AK8: variants seen among roughly 807,000 people sequenced by gnomAD.
AK8 encodes the protein adenylate kinase 8.
Under a neutral mutation model 54.6 loss-of-function variants are expected in AK8, and 44 were observed. The observed-to-expected ratio is 0.81, with a 90% confidence interval of 0.63 to 1.04. The LOEUF (loss-of-function observed/expected upper bound fraction) is 1.04, where lower values mean the gene tolerates loss of function less well. AK8 is among the 50% of genes least tolerant of loss of function. The pLI is 0.00. For missense variants in AK8, 555 were observed against 613.6 expected (o/e 0.90, Z 1.01); for synonymous variants, 239 against 245.6 (o/e 0.97, Z 0.25).
chr9:132,806,814 T>C (rs1038354763), intron 10 of AK8, among the ~76,000 whole-genome samples: 2 of 152,184 alleles, frequency 1.3e-5, no homozygotes, highest in Non-Finnish European at 2.9e-5. Context: ...TGGGGGCTGG[T>C]TTGGCTTGTT....
At chr9:132,754,353 A>G (rs1264061783) in intron 11 of AK8, among the ~76,000 whole-genome samples, 5 of 152,214 alleles carry the variant, frequency 3.3e-5, no homozygotes, top group Admixed American at 3.3e-4. Flanking sequence ...CCAAATCAGC[A>G]TATTGCAGTG....
intron 11 of AK8, among the ~76,000 whole-genome samples, chr9:132,773,161 T>C (rs1245911518): frequency 6.6e-6 from 1 of 152,230 alleles, no homozygotes; most frequent in African/African-American, 2.4e-5. Context: ...AATGGCCTCC[T>C]TGATGTTGCT....
intron 11 of AK8, among the ~76,000 whole-genome samples, chr9:132,738,435 A>G (rs980105001): frequency 1.5e-4 from 23 of 152,174 alleles, no homozygotes; most frequent in African/African-American, 4.8e-4. Flanking sequence ...TTAATTTAAA[A>G]AAGTTTTAAA....
At chr9:132,775,686 T>C (rs1276460890) in intron 11 of AK8, among the ~76,000 whole-genome samples, 1 of 152,102 alleles carries the variant, frequency 6.6e-6, no homozygotes, top group Non-Finnish European at 1.5e-5. Flanking sequence ...CATGACCCCA[T>C]CTCTTCCTCA....
At chr9:132,764,245 C>G (rs59262005) in intron 11 of AK8, among the ~76,000 whole-genome samples, 6 of 152,050 alleles carry the variant, frequency 3.9e-5, no homozygotes, top group Non-Finnish European at 5.9e-5. Flanking sequence ...GGGAGGTAGA[C>G]GTTGCAGTGA....
At chr9:132,752,367 T>C (rs1385859118) in intron 11 of AK8, among the ~76,000 whole-genome samples, 1 of 151,490 alleles carries the variant, frequency 6.6e-6, no homozygotes, top group Non-Finnish European at 1.5e-5. Flanking sequence ...CTCCTGCCTC[T>C]GCCTCCCGAG....
chr9:132,835,426 G>C (rs893971156), intron 5 of AK8, among the ~76,000 whole-genome samples: 1 of 152,146 alleles, frequency 6.6e-6, no homozygotes, highest in Non-Finnish European at 1.5e-5. Context: ...TAACAGACAC[G>C]GATAACCCAG....
In AK8 at chr9:132,770,895, T is replaced by C. The variant is rs73659475; in HGVS notation, c.1121+21739A>G. Among the ~76,000 whole-genome samples the C allele has an allele frequency of 0.033, 4,986 of 152,226 alleles. 271 individuals carry two copies. Among genetic ancestry groups the C allele is most frequent in the African/African-American group, 0.11 (4,705 of 41,534 alleles). Reference sequence around the variant, plus strand: ...GTGTGGGCCTCCCCAGTCAGGGAGATGCTTCCCCCATCTCATCTCAGTGGG... The same window carrying C: ...GTGTGGGCCTCCCCAGTCAGGGAGACGCTTCCCCCATCTCATCTCAGTGGG... On this transcript the variant is annotated intron_variant, in intron 11 of 12. Transcript: ENST00000298545. The surrounding 1 kb of genome is among the most constrained non-coding windows in gnomAD (Gnocchi z 4.3).
upstream of AK8, chr9:132,878,805 G>A (rs768520833): frequency 5.1e-4 from 503 of 983,398 alleles, no homozygotes; most frequent in Non-Finnish European, 6.0e-4. The surrounding 1 kb of genome is among the most constrained non-coding windows in gnomAD (Gnocchi z 4.7). Context: ...CCCCGGCTCT[G>A]GCCAAGCCGC....
At chr9:132,827,285 C>A in intron 7 of AK8, 1 of 592,444 alleles carries the variant, frequency 1.7e-6, no homozygotes, top group Non-Finnish European at 3.0e-6. Flanking sequence ...GCAAGGGCTG[C>A]CGTGAACTTC....
chr9:132,762,582 A>C (rs925692739), intron 11 of AK8, among the ~76,000 whole-genome samples: 3 of 152,158 alleles, frequency 2.0e-5, no homozygotes, highest in Non-Finnish European at 4.4e-5. Flanking sequence ...GAGTTCATCA[A>C]AGGAGTAACA....
intron 11 of AK8, among the ~76,000 whole-genome samples, chr9:132,787,740 T>C (rs1858794): frequency 0.15 from 22,886 of 152,178 alleles, 1,840 homozygotes; most frequent in Admixed American, 0.21. Flanking sequence ...AAATGATTGT[T>C]GTGTACAGGC....
At chr9:132,765,852 A>G (rs1053111384) in intron 11 of AK8, among the ~76,000 whole-genome samples, 5 of 152,348 alleles carry the variant, frequency 3.3e-5, no homozygotes, top group Admixed American at 1.3e-4. Context: ...AATTAGACAC[A>G]AAAAAGAAAT....
At chr9:132,869,643 G>T (rs534488640) in intron 2 of AK8, among the ~76,000 whole-genome samples, 1 of 152,378 alleles carries the variant, frequency 6.6e-6, no homozygotes, top group East Asian at 1.9e-4. Context: ...CTGGGGCAAG[G>T]CCTCCCAGGG....
chr9:132,815,913 A>G (rs143522466), intron 9 of AK8, among the ~76,000 whole-genome samples: 55 of 152,386 alleles, frequency 3.6e-4, no homozygotes, highest in African/African-American at 1.3e-3. Flanking sequence ...ACTGGATAGC[A>G]TGAATGTTTA....
intron 11 of AK8, among the ~76,000 whole-genome samples, chr9:132,736,835 A>G (rs2130958894): frequency 6.6e-6 from 1 of 151,562 alleles, no homozygotes; most frequent in East Asian, 2.0e-4. Context: ...TAAAACCTGG[A>G]TGAACCTTGA....
rs372024560 is a variant in AK8 at position 132,856,779 on chromosome 9, T to C, written c.334-1854A>G. ...GCAGCCACTTCGTGGGCATGACGGG[T>C]GTGGAACGGAATGAAACCAGCACAA... On this transcript the variant is annotated intron_variant, in intron 4 of 12. Transcript: ENST00000298545. Among the ~76,000 whole-genome samples the C allele has an allele frequency of 2.3e-4, 35 of 152,076 alleles. No individual in the cohort carries two copies. The East Asian group carries it at 6.6e-3, about 29-fold the overall frequency.
chr9:132,725,971 A>G (rs1442313973), intron 12 of AK8, 46 bp from the exon 13 acceptor site: 2 of 1,571,478 alleles, frequency 1.3e-6, no homozygotes, highest in Non-Finnish European at 1.7e-6. Flanking sequence ...CTGGCCTGGA[A>G]GCAGGGGAGA....
chr9:132,766,243 C>T (rs1838720408), intron 11 of AK8, among the ~76,000 whole-genome samples: 1 of 152,152 alleles, frequency 6.6e-6, no homozygotes, highest in South Asian at 2.1e-4. Flanking sequence ...TCCTGAGTAG[C>T]TGGAACAACA....
Sources: allele counts gnomAD v4.1 joint callset (sites outside exome capture counted in the v4.1 genomes callset), GRCh38; gene constraint gnomAD v4.1.1; non-coding constraint Gnocchi (gnomAD v3.1); transcripts MANE v1.5; gene names NCBI Gene and HGNC (gene_info 2026-07-23, HGNC 2026-07-21).